Variants in TACC1 observed in about 807,000 individuals in gnomAD.
TACC1 encodes transforming acidic coiled-coil-containing protein 1.
A neutral mutation model predicts 84.4 loss-of-function variants in TACC1; 48 were observed. That is an observed-to-expected ratio of 0.57 (90% confidence interval 0.45 to 0.72). The LOEUF (loss-of-function observed/expected upper bound fraction) is 0.72. Among genes scored for constraint, TACC1 ranks in the 30% least tolerant of loss-of-function variants. The pLI, the probability that TACC1 is intolerant of heterozygous loss-of-function variation, is 0.00. For missense variants in TACC1, 920 were observed against 973.0 expected, an observed-to-expected ratio of 0.95 and a Z score of 0.72; for synonymous variants, 372 against 376.3, an observed-to-expected ratio of 0.99 and a Z score of 0.13.
intron 2 of TACC1, among the ~76,000 whole-genome samples, chr8:38,814,280 A>T (rs1236489960): frequency 6.6e-6 from 1 of 152,208 alleles, no homozygotes; most frequent in Non-Finnish European, 1.5e-5. Context: ...TGATAGTTTC[A>T]GGGTCAGAAT....
At chr8:38,843,941 G>A (rs2152328875) in intron 11 of TACC1, among the ~76,000 whole-genome samples, 1 of 152,250 alleles carries the variant, frequency 6.6e-6, no homozygotes, top group South Asian at 2.1e-4. Context: ...GTTAGAAAAG[G>A]AATTGCTAGA....
intron 3 of TACC1, among the ~76,000 whole-genome samples, chr8:38,823,249 T>A (rs1827272091): frequency 6.6e-6 from 1 of 152,204 alleles, no homozygotes; most frequent in African/African-American, 2.4e-5. Context: ...CATTAGTAGC[T>A]CTCGATCTGT....
intron 2 of TACC1, among the ~76,000 whole-genome samples, chr8:38,804,292 T>C (rs1203579466): frequency 6.6e-6 from 1 of 152,168 alleles, no homozygotes; most frequent in Admixed American, 6.5e-5. Context: ...CTGTTAGCAC[T>C]GTTGCAATTT....
intron 3 of TACC1, among the ~76,000 whole-genome samples, chr8:38,821,153 C>T (rs753828857): frequency 5.9e-5 from 9 of 151,550 alleles, no homozygotes; most frequent in Middle Eastern, 3.4e-3. Flanking sequence ...TGCAGTGAGC[C>T]GAGATCACGC....
chr8:38,773,549 T>A (rs1219136555), intron 3 of TACC1, among the ~76,000 whole-genome samples: 2 of 151,014 alleles, frequency 1.3e-5, no homozygotes, highest in Non-Finnish European at 2.9e-5. Context: ...ATTCACTATT[T>A]GTGTAAAAGT....
At chr8:38,838,591 T>C (rs369097897) in intron 8 of TACC1, 45 bp downstream of exon 8, 148 of 1,456,622 alleles carry the variant, frequency 1.0e-4, no homozygotes, top group Non-Finnish European at 1.7e-5. Context: ...TTTTATGCAC[T>C]GTTAGATTTG....
chr8:38,734,905 C>T (rs17506599), intron 1 of TACC1, among the ~76,000 whole-genome samples: 21,123 of 152,286 alleles, frequency 0.14, 1,776 homozygotes, highest in Non-Finnish European at 0.19. Flanking sequence ...TCTCCAGGGC[C>T]GGTCTGGTTT....
chr8:38,764,869 C>G (rs1032202364), intron 3 of TACC1, among the ~76,000 whole-genome samples: 1 of 151,988 alleles, frequency 6.6e-6, no homozygotes, highest in Non-Finnish European at 1.5e-5. Flanking sequence ...GAGGCCAAGG[C>G]GGGTGGATCA....
At chr8:38,738,153 C>T (rs1173017095) in intron 1 of TACC1, among the ~76,000 whole-genome samples, 1 of 151,766 alleles carries the variant, frequency 6.6e-6, no homozygotes, top group African/African-American at 2.4e-5. Context: ...TTAATCCCAA[C>T]ACTTTGGGAG....
At chr8:38,825,239 T>G in intron 3 of TACC1, 69 bp from the exon 4 acceptor site, 1 of 1,537,308 alleles carries the variant, frequency 6.5e-7, no homozygotes, top group South Asian at 1.1e-5. Flanking sequence ...TGCTGTCTGC[T>G]CCATTTCATA....
At chr8:38,787,078 C>G (rs1383626912), upstream of TACC1, 13 of 958,016 alleles carry the variant, frequency 1.4e-5, no homozygotes, top group Non-Finnish European at 1.5e-5. Context: ...ACCAGCGTGA[C>G]GCCGCGGTAG....
chr8:38,820,168 G>A lies in TACC1; in HGVS notation c.924G>A (p.Glu308=), dbSNP rs149836170. Residue 308 remains glutamate, a synonymous_variant, in exon 3 of 13, where the codon GAG becomes GAA. Coordinates refer to ENST00000317827, the MANE Select transcript of TACC1 (RefSeq NM_006283.3). ...GTGACACCAACGACTCAGGGGTTGA[G>A]CTGGGGGAGGAGTCGAGGAGCTCAC... ...LSSDTNDSGV[E]LGEESRSSPL... is the part of the protein sequence containing the mutation. 3.1e-6 allele frequency: 5 copies of A among 1,614,176 alleles called. No individual in the cohort carries two copies. In the African/African-American group the frequency reaches 5.3e-5, roughly 17 times the overall value.
exon 3 of TACC1, chr8:38,745,188 A>C: frequency 6.1e-6 from 2 of 329,026 alleles, no homozygotes; most frequent in Middle Eastern, 8.1e-4. Flanking sequence ...ACCCACATAC[A>C]CACAAAATAC....
chr8:38,823,330 T>C (rs1045484054), intron 3 of TACC1, among the ~76,000 whole-genome samples: 1 of 152,202 alleles, frequency 6.6e-6, no homozygotes, highest in Non-Finnish European at 1.5e-5. Flanking sequence ...CTTTTGTGGC[T>C]TTTAAGGTTG....
At chr8:38,845,379 G>A (rs1202337159) in intron 11 of TACC1, among the ~76,000 whole-genome samples, 2 of 152,108 alleles carry the variant, frequency 1.3e-5, no homozygotes, top group East Asian at 3.8e-4. Context: ...TTTTACAGAT[G>A]CCTCTATATA....
rs16887741 is a variant in TACC1 at position 38,771,495 on chromosome 8, T to C, written c.27-17209T>C. On this transcript the variant is annotated intron_variant, in intron 3 of 14. Coordinates refer to the TACC1 transcript ENST00000518415. Reference sequence around the variant, plus strand: ...AAGTACCATTTGGAGGAGGAAATAATTGAAATTGCTGCTGATCAAAAAGCT... The same window carrying C: ...AAGTACCATTTGGAGGAGGAAATAACTGAAATTGCTGCTGATCAAAAAGCT... Among the ~76,000 whole-genome samples, 1,002 of 152,256 alleles carry C rather than the reference T, an allele frequency of 6.6e-3. 11 individuals carry two copies. Among genetic ancestry groups the C allele is most frequent in the African/African-American group, 0.023 (942 of 41,528 alleles).
rs1387842675 is a variant in TACC1, at chr8:38,840,260, A to G, written c.1953A>G (p.Gln651=). The G allele has an allele frequency of 1.2e-6, 2 of 1,612,892 alleles. No homozygotes were observed. The highest frequency in any genetic ancestry group is 1.7e-6 in the Non-Finnish European group (2 of 1,179,202). ...CTGAATATGAAAAGACTATTGCTCA[A>G]ATGATTGGTAAGGAGAACATTTTGT... ...IVAEYEKTIA[Q]MIEDEQRTSM... is the part of the protein sequence containing the mutation. Residue 651 remains glutamine (Q), a synonymous_variant, in exon 9 of 13, where the codon CAA becomes CAG. Transcript: ENST00000317827.
At chr8:38,811,001 C>T (rs1167246476) in intron 2 of TACC1, among the ~76,000 whole-genome samples, 1 of 151,894 alleles carries the variant, frequency 6.6e-6, no homozygotes, top group Non-Finnish European at 1.5e-5. Context: ...GCCTGTAGTC[C>T]CAGCTACTTG....
chr8:38,796,728 T>G (rs1488566940), intron 2 of TACC1, among the ~76,000 whole-genome samples: 1 of 152,254 alleles, frequency 6.6e-6, no homozygotes. Context: ...CTTTGCATTC[T>G]GTCTCCACCT....
Sources: gnomAD v4.1 joint callset for allele counts (sites outside exome capture counted in the v4.1 genomes callset) on GRCh38, gnomAD v4.1.1 for gene constraint, MANE v1.5 for transcripts, NCBI Gene and HGNC (gene_info 2026-07-23, HGNC 2026-07-21) for gene names.